The following XPNPEP3 variants were observed in gnomAD, a reference collection of about 807,000 sequenced individuals.
XPNPEP3 encodes the protein xaa-Pro aminopeptidase 3.
Under a neutral mutation model 60.0 loss-of-function variants are expected in XPNPEP3, and 41 were observed. The observed-to-expected ratio is 0.68, with a 90% CI of 0.53 to 0.89. XPNPEP3 has a LOEUF of 0.89. Among genes scored for constraint, XPNPEP3 ranks in the 40% least tolerant of loss-of-function variants. The pLI is 0.00. For synonymous variants in XPNPEP3, 212 were observed against 223.2 expected, an observed-to-expected ratio of 0.95 and a Z score of 0.45; for missense variants, 598 against 638.9, an observed-to-expected ratio of 0.94 and a Z score of 0.69.
intron 2 of XPNPEP3, among the ~76,000 whole-genome samples, chr22:40,878,234 T>G (rs1221728270): frequency 6.6e-6 from 1 of 151,254 alleles, no homozygotes; most frequent in Non-Finnish European, 1.5e-5. Flanking sequence ...TGTGTTGTGA[T>G]GGAGAGTGCT....
At chr22:40,906,741 T>C (rs2035483387) in intron 4 of XPNPEP3, among the ~76,000 whole-genome samples, 1 of 152,228 alleles carries the variant, frequency 6.6e-6, no homozygotes, top group Admixed American at 6.5e-5. Flanking sequence ...CAAATGTATA[T>C]CTTAGTATGT....
Position 40,922,392 on chromosome 22 carries a change from T to C in XPNPEP3, c.1115T>C (p.Leu372Ser), listed in dbSNP as rs753756689. 2 of 1,613,876 alleles carry C rather than the reference T, an allele frequency of 1.2e-6. No individual in the cohort carries two copies. Among genetic ancestry groups the C allele is most frequent in the South Asian group, 1.1e-5 (1 of 91,068 alleles). The change falls in exon 8 of 10, where the codon TTG becomes TCG. Residue 372 changes from leucine (L) to serine (S), a missense_variant. Leu to Ser is a moderately radical substitution (Grantham distance 145). Coordinates refer to ENST00000357137, the MANE Select transcript of XPNPEP3 (RefSeq NM_022098.4). ...GTTCTAGAGATCCAAAGAGATTGTTTGGCCCTCTGCTTCCCTGGGACAAGC... is the reference window on the plus strand; with the variant it reads ...GTTCTAGAGATCCAAAGAGATTGTTCGGCCCTCTGCTTCCCTGGGACAAGC... ...EAVLEIQRDCLALCFPGTSLE... is the reference protein window; with the variant it reads ...EAVLEIQRDCSALCFPGTSLE...
intron 1 of XPNPEP3, among the ~76,000 whole-genome samples, chr22:40,865,031 T>C (rs1165046702): frequency 1.3e-5 from 2 of 152,240 alleles, no homozygotes; most frequent in African/African-American, 2.4e-5. Flanking sequence ...TGTAAAGTTA[T>C]AATACGAGCA....
chr22:40,858,681 GC>G (rs2057921458), intron 1 of XPNPEP3, among the ~76,000 whole-genome samples: 1 of 151,868 alleles, frequency 6.6e-6, no homozygotes, highest in Non-Finnish European at 1.5e-5. Context: ...ACAGGCGCCC[GC>G]CACCACGCCT....
intron 1 of XPNPEP3, among the ~76,000 whole-genome samples, chr22:40,865,096 C>T (rs2057971735): frequency 6.6e-6 from 1 of 152,190 alleles, no homozygotes; most frequent in Non-Finnish European, 1.5e-5. Flanking sequence ...CAGCCATCCG[C>T]TGTGCCATTT....
rs553088926 is a variant in XPNPEP3, at chr22:40,866,208, T to C, written c.65-2791T>C. On this transcript the variant is annotated intron_variant, in intron 1 of 9. Transcript: ENST00000357137. The stretch of plus-strand genomic sequence containing the variant: ...GACTCATTGACTTTTAACTTCAAAA[T>C]ACATTTCAAATCAAGTCACTGGGAA... 9.7e-4 allele frequency among the ~76,000 whole-genome samples: 147 copies of C among 152,246 alleles called. 1 individual carries two copies. The highest frequency in any genetic ancestry group is 2.6e-3 in the African/African-American group (106 of 41,542).
At chr22:40,926,205 A>G in intron 9 of XPNPEP3, 64 bp from the exon 10 acceptor site, 1 of 1,577,046 alleles carries the variant, frequency 6.3e-7, no homozygotes, top group Non-Finnish European at 8.7e-7. Context: ...AGGTTAACTT[A>G]CTTGCCCCAA....
chr22:40,873,075 GTTTTCT>G (rs779752982), intron 2 of XPNPEP3, among the ~76,000 whole-genome samples: 35 of 117,662 alleles, frequency 3.0e-4, no homozygotes, highest in South Asian at 6.0e-4. Context: ...CTTCATGGTT[GTTTTCT>G]TTTTCTTTTT....
intron 3 of XPNPEP3, among the ~76,000 whole-genome samples, chr22:40,884,891 G>T (rs937413925): frequency 6.6e-6 from 1 of 151,610 alleles, no homozygotes; most frequent in African/African-American, 2.4e-5. Context: ...AGCTGGACGT[G>T]GTGGCATGCG....
chr22:40,869,920 C>T, intron 2 of XPNPEP3: 8 of 357,252 alleles, frequency 2.2e-5, no homozygotes, highest in South Asian at 4.1e-5. Flanking sequence ...ATGTATTTGC[C>T]ATATAAGCAT....
intron 2 of XPNPEP3, among the ~76,000 whole-genome samples, chr22:40,874,844 T>A (rs1363853287): frequency 2.0e-5 from 3 of 152,210 alleles, no homozygotes; most frequent in Non-Finnish European, 4.4e-5. Context: ...GCCAGTTCTG[T>A]GGCCATTGGT....
At chr22:40,919,303 C>T (rs1452112686) in intron 7 of XPNPEP3, among the ~76,000 whole-genome samples, 1 of 152,144 alleles carries the variant, frequency 6.6e-6, no homozygotes, top group Non-Finnish European at 1.5e-5. Flanking sequence ...ACCTGTAATC[C>T]CAGCACTTTG....
intron 2 of XPNPEP3, among the ~76,000 whole-genome samples, chr22:40,878,561 A>G (rs1325262464): frequency 6.6e-6 from 1 of 152,114 alleles, no homozygotes; most frequent in Non-Finnish European, 1.5e-5. Context: ...ACCTTCTGAA[A>G]TAAAAAAGAA....
At chr22:40,913,650 A>G (rs2146274008) in intron 6 of XPNPEP3, among the ~76,000 whole-genome samples, 1 of 152,162 alleles carries the variant, frequency 6.6e-6, no homozygotes, top group South Asian at 2.1e-4. Flanking sequence ...ACACCTAGTA[A>G]TTCAGTCCCA....
At chr22:40,916,406 G>C (rs1010382679) in intron 7 of XPNPEP3, among the ~76,000 whole-genome samples, 1 of 152,124 alleles carries the variant, frequency 6.6e-6, no homozygotes, top group Non-Finnish European at 1.5e-5. Context: ...TGAGCAAACA[G>C]ATGGAGAATC....
intron 4 of XPNPEP3, among the ~76,000 whole-genome samples, chr22:40,903,152 G>A (rs1055670487): frequency 6.6e-6 from 1 of 152,138 alleles, no homozygotes; most frequent in South Asian, 2.1e-4. Flanking sequence ...GCTTCAGGCC[G>A]TGGCCCAAAT....
At chr22:40,911,839 C>T (rs2058178359) in intron 6 of XPNPEP3, among the ~76,000 whole-genome samples, 1 of 152,164 alleles carries the variant, frequency 6.6e-6, no homozygotes, top group South Asian at 2.1e-4. Flanking sequence ...CATGCCCGTC[C>T]TATTGTAATT....
rs190767110 is a variant in XPNPEP3, at chr22:40,862,590, C to G, written c.64+5345C>G. The G allele has an allele frequency of 5.9e-4, 581 of 985,426 alleles. 1 individual carries two copies. The highest frequency in any genetic ancestry group is 6.2e-4 in the Non-Finnish European group (516 of 829,940). The allele number at this position is 985,426 out of a possible 1,614,324, so 61.0% of individuals were successfully genotyped here. A position where few individuals can be genotyped will look rare whatever the true frequency, so the allele number is the denominator to read the frequency against. ...ATGAGAGGAAGTACTGGATGCTAAA[C>G]AATTATATGAGAGACAGCTCAGGCT... On this transcript the variant is annotated intron_variant, in intron 1 of 9. Coordinates refer to ENST00000357137, the MANE Select transcript of XPNPEP3 (RefSeq NM_022098.4).
At chr22:40,891,552 C>T (rs1430905621) in intron 4 of XPNPEP3, among the ~76,000 whole-genome samples, 3 of 151,844 alleles carry the variant, frequency 2.0e-5, no homozygotes, top group African/African-American at 7.3e-5. Flanking sequence ...ACTTGGGAGG[C>T]TGAGGCAGGG....
Sources: allele counts gnomAD v4.1 joint callset (sites outside exome capture counted in the v4.1 genomes callset), GRCh38; gene constraint gnomAD v4.1.1; transcripts MANE v1.5; gene names NCBI Gene and HGNC (gene_info 2026-07-23, HGNC 2026-07-21).